Variants in GSN observed in about 807,000 individuals in gnomAD.
The protein encoded by GSN is gelsolin, also known as actin-depolymerizing factor.
Under a neutral mutation model 85.7 loss-of-function variants are expected in GSN, and 56 were observed. The ratio of observed to expected loss-of-function variants is 0.65; its 90% CI spans 0.53 to 0.82. The LOEUF (loss-of-function observed/expected upper bound fraction) is 0.82, where lower values mean the gene tolerates loss of function less well. Among genes scored for constraint, GSN ranks in the 40% least tolerant of loss-of-function variants. The pLI, the probability that GSN is intolerant of heterozygous loss-of-function variation, is 0.00. For synonymous variants in GSN, 373 were observed against 399.1 expected (o/e 0.93, Z 0.78); for missense variants, 857 against 979.8 (o/e 0.87, Z 1.67).
At chr9:121,224,579 A>G (rs1339198694) in intron 4 of GSN, among the ~76,000 whole-genome samples, 1 of 152,064 alleles carries the variant, frequency 6.6e-6, no homozygotes, top group African/African-American at 2.4e-5. Context: ...GATTCTCTCC[A>G]GGGTTTCTGG....
chr9:121,318,646 C>T lies in GSN; in HGVS notation c.976-19C>T. On this transcript the variant is annotated intron_variant, in intron 9 of 17. Transcript: ENST00000432226. The surrounding 1 kb of genome is among the most constrained non-coding windows in gnomAD (Gnocchi z 4.3). ...TGGGCAGCCCAGCCACATCCTGCTCCTCTGCCTCCCCTCCCCAGGTCTCGG... is the reference window on the plus strand; with the variant it reads ...TGGGCAGCCCAGCCACATCCTGCTCTTCTGCCTCCCCTCCCCAGGTCTCGG... 1 of 1,592,732 alleles carries T rather than the reference C, an allele frequency of 6.3e-7. No homozygotes were observed. Among genetic ancestry groups the T allele is most frequent in the Non-Finnish European group, 8.6e-7 (1 of 1,160,560 alleles).
chr9:121,328,878 C>A lies in GSN; in HGVS notation c.1763-13C>A. On this transcript the variant is annotated splice_polypyrimidine_tract_variant and intron_variant, in intron 14 of 17. Coordinates refer to ENST00000432226, the MANE Select transcript of GSN (RefSeq NM_198252.3). ...TGGCGTCCCTTGGCAACTGGCGTGG[C>A]CTCCCCTCACAGATGGCTTCTGGGA... 2 of 1,608,892 alleles carry A rather than the reference C, an allele frequency of 1.2e-6. No individual in the cohort carries two copies. The highest frequency in any genetic ancestry group is 1.7e-6 in the Non-Finnish European group (2 of 1,179,714).
chr9:121,313,205 CT>C (rs2061365790), intron 6 of GSN: 1 of 155,278 alleles, frequency 6.4e-6, no homozygotes, highest in South Asian at 2.0e-4. Context: ...CTGACTATTT[CT>C]GGTAGTTTTT....
chr9:121,329,418 C>T lies in GSN; in HGVS notation c.1965+103C>T, dbSNP rs892583565. ...CTAGAAGGACCTAAAGGGGGCAGTGCCAGGTGTTGCCAGAAAAGTCTCTAA... is the reference window on the plus strand; with the variant it reads ...CTAGAAGGACCTAAAGGGGGCAGTGTCAGGTGTTGCCAGAAAAGTCTCTAA... On this transcript the variant is annotated intron_variant, in intron 16 of 17. Coordinates refer to ENST00000432226, the MANE Select transcript of GSN (RefSeq NM_198252.3). The surrounding 1 kb of genome is among the most constrained non-coding windows in gnomAD (Gnocchi z 4.6). 3.1e-5 allele frequency: 24 copies of T among 768,696 alleles called. No individual in the cohort carries two copies. Among genetic ancestry groups the T allele is most frequent in the Non-Finnish European group, 5.4e-5 (23 of 424,590 alleles). 47.6% of individuals were successfully genotyped at this position (768,696 alleles called of 1,614,324 possible). A position where few individuals can be genotyped will look rare whatever the true frequency, so the allele number is the denominator to read the frequency against.
chr9:121,255,509 T>C (rs1014657841), intron 6 of GSN, among the ~76,000 whole-genome samples: 3 of 152,218 alleles, frequency 2.0e-5, no homozygotes, highest in Non-Finnish European at 4.4e-5. Context: ...GTGCTGAGAT[T>C]ATGGGCATAA....
At chr9:121,246,022 T>C (rs758629845) in intron 5 of GSN, among the ~76,000 whole-genome samples, 37 of 152,376 alleles carry the variant, frequency 2.4e-4, no homozygotes, top group Middle Eastern at 3.4e-3. Context: ...AATGGTATTG[T>C]ATTTTTTAAA....
chr9:121,286,390 C>T (rs1276160422), intron 2 of GSN, among the ~76,000 whole-genome samples: 2 of 152,242 alleles, frequency 1.3e-5, no homozygotes, highest in Admixed American at 6.5e-5. Context: ...AGCAGTCAGA[C>T]CCCTTCTCCC....
chr9:121,252,093 G>T (rs752602399), intron 6 of GSN, among the ~76,000 whole-genome samples: 5 of 152,176 alleles, frequency 3.3e-5, no homozygotes, highest in African/African-American at 4.8e-5. Flanking sequence ...ATGCCAGGAA[G>T]TCAGTCCCAT....
intron 2 of GSN, among the ~76,000 whole-genome samples, chr9:121,298,542 G>A (rs541114247): frequency 1.3e-5 from 2 of 152,238 alleles, no homozygotes; most frequent in African/African-American, 4.8e-5. Flanking sequence ...GAGGGGTGGA[G>A]AACTCACATT....
intron 6 of GSN, among the ~76,000 whole-genome samples, chr9:121,255,984 G>A (rs2054949455): frequency 1.3e-5 from 2 of 152,062 alleles, no homozygotes; most frequent in South Asian, 4.2e-4. Context: ...TCCTTCTGGG[G>A]TCATGAGGGA....
intron 3 of GSN, 135 bp downstream of exon 3, chr9:121,302,302 C>A: frequency 2.0e-6 from 2 of 1,023,148 alleles, no homozygotes; most frequent in Non-Finnish European, 3.0e-6. Flanking sequence ...TGGTTCATGC[C>A]CTGAGACGCT....
At chr9:121,281,279 G>A (rs950814330) in intron 1 of GSN, 191 bp from the exon 2 acceptor site, 5 of 265,566 alleles carry the variant, frequency 1.9e-5, no homozygotes, top group Admixed American at 5.0e-5. Context: ...ATTCTTTTAC[G>A]CAGCCAAACC....
chr9:121,314,203 G>A (rs2061476136), intron 7 of GSN, among the ~76,000 whole-genome samples, 180 bp downstream of exon 7: 1 of 152,242 alleles, frequency 6.6e-6, no homozygotes, highest in African/African-American at 2.4e-5. Context: ...TGCACTAAGA[G>A]CATGCGATCA....
At chr9:121,236,757 A>C (rs1191969417) in intron 5 of GSN, among the ~76,000 whole-genome samples, 1 of 152,188 alleles carries the variant, frequency 6.6e-6, no homozygotes, top group Non-Finnish European at 1.5e-5. Flanking sequence ...AGCAGGAATA[A>C]AACTCCAAAA....
chr9:121,273,102 T>C (rs10739594), intron 1 of GSN, among the ~76,000 whole-genome samples: 73,556 of 151,992 alleles, frequency 0.48, 18,727 homozygotes, highest in East Asian at 0.74. Context: ...TCCCTGAAAT[T>C]GACTCTTCCC....
chr9:121,271,312 C>A (rs2132376982), intron 1 of GSN, among the ~76,000 whole-genome samples: 1 of 152,238 alleles, frequency 6.6e-6, no homozygotes, highest in South Asian at 2.1e-4. Context: ...TGAAATCACG[C>A]CACTGCACTC....
intron 6 of GSN, among the ~76,000 whole-genome samples, chr9:121,257,139 TAAAAA>T (rs902635503): frequency 6.6e-6 from 1 of 151,696 alleles, no homozygotes; most frequent in African/African-American, 2.4e-5. Context: ...ATTTATCAAT[TAAAAA>T]AAAGAGTAAG....
intron 6 of GSN, among the ~76,000 whole-genome samples, chr9:121,259,525 T>A (rs1359395631): frequency 6.6e-6 from 1 of 151,880 alleles, no homozygotes; most frequent in African/African-American, 2.4e-5. Flanking sequence ...GGTTTGAAGG[T>A]TTTGGGGTGA....
chr9:121,332,502 G>A lies in GSN; in HGVS notation c.2095G>A (p.Gly699Ser). The change falls in exon 18 of 18, where the codon GGC (glycine) becomes AGC (serine). Residue 699 changes from glycine (G) to serine (S), a missense_variant. Physicochemically the swap from Gly to Ser is moderately conservative, Grantham distance 56. Coordinates refer to ENST00000432226, the MANE Select transcript of GSN (RefSeq NM_198252.3). This position sits in a 1 kb window ranked among gnomAD's most constrained non-coding sequence, Gnocchi z 4.8. The part of the protein sequence containing the change: ...RRTPITVVKQ[G>S]FEPPSFVGWF... ...GACGCCCATCACCGTGGTGAAGCAAGGCTTTGAGCCTCCCTCCTTTGTGGG... is the reference window on the plus strand; with the variant it reads ...GACGCCCATCACCGTGGTGAAGCAAAGCTTTGAGCCTCCCTCCTTTGTGGG... 1 of 1,614,118 alleles carries A rather than the reference G, an allele frequency of 6.2e-7. No homozygotes were observed. The highest frequency in any genetic ancestry group is 8.5e-7 in the Non-Finnish European group (1 of 1,179,970).
Sources: gnomAD v4.1 joint callset for allele counts (sites outside exome capture counted in the v4.1 genomes callset) on GRCh38, gnomAD v4.1.1 for gene constraint, Gnocchi (gnomAD v3.1) non-coding constraint, MANE v1.5 for transcripts, NCBI Gene and HGNC (gene_info 2026-07-23, HGNC 2026-07-21) for gene names.